The following SPATA7 variants were observed in gnomAD, a reference collection of about 807,000 sequenced individuals.
The protein encoded by SPATA7 is spermatogenesis-associated protein 7.
SPATA7 carries 43 observed loss-of-function variants against 51.8 expected under a neutral mutation model. The observed-to-expected ratio is 0.83, with a 90% CI of 0.65 to 1.07. The LOEUF (loss-of-function observed/expected upper bound fraction) is 1.07. SPATA7 is among the 50% of genes least tolerant of loss of function. The probability of loss-of-function intolerance (pLI) is 0.00; values close to 1 mark genes in which losing one functional copy is unlikely to be tolerated. For synonymous variants in SPATA7, 230 were observed against 252.8 expected (o/e 0.91, Z 0.86); for missense variants, 683 against 701.3 (o/e 0.97, Z 0.30).
chr14:88,401,836 CAAAAAAAAAAAA>C (rs57942112), intron 4 of SPATA7, among the ~76,000 whole-genome samples: 1 of 33,222 alleles, frequency 3.0e-5, no homozygotes, highest in Non-Finnish European at 5.8e-5. Flanking sequence ...GACCCTGTCT[CAAAAAAAAAAAA>C]AAAAAAAAAA....
At chr14:88,427,128 A>G (rs1353926435) in intron 6 of SPATA7, among the ~76,000 whole-genome samples, 12 of 152,224 alleles carry the variant, frequency 7.9e-5, no homozygotes, top group Non-Finnish European at 1.6e-4. Flanking sequence ...CATTTCCTGC[A>G]GATATTCCGG....
chr14:88,465,143 A>G (rs760436701), intron 4 of SPATA7, among the ~76,000 whole-genome samples: 2 of 152,196 alleles, frequency 1.3e-5, no homozygotes, highest in Non-Finnish European at 2.9e-5. Context: ...ATTAATGACT[A>G]CAATAAGCAT....
At chr14:88,424,635 C>T (rs73327426) in intron 5 of SPATA7, among the ~76,000 whole-genome samples, 5,352 of 152,072 alleles carry the variant, frequency 0.035, 300 homozygotes, top group African/African-American at 0.12. Flanking sequence ...TATTTTTAGA[C>T]TGTACTTAGA....
In SPATA7 at chr14:88,388,511, C is replaced by T. The variant is rs938173145; in HGVS notation, c.19+2674C>T. 1.1e-4 allele frequency among the ~76,000 whole-genome samples: 16 copies of T among 152,120 alleles called. 1 individual carries two copies. Among genetic ancestry groups the T allele is most frequent in the African/African-American group, 2.4e-4 (10 of 41,378 alleles). On this transcript the variant is annotated intron_variant, in intron 1 of 11. Coordinates refer to ENST00000393545, the MANE Select transcript of SPATA7 (RefSeq NM_018418.5). ...ATGCCCCTTTGGCTCATTCTGGGTC[C>T]AGTCCAGTCAGGAGATAGAAACCAT...
At chr14:88,453,098 T>C (rs1243779642) in intron 3 of SPATA7, among the ~76,000 whole-genome samples, 2 of 152,230 alleles carry the variant, frequency 1.3e-5, no homozygotes, top group African/African-American at 4.8e-5. Context: ...ATGAGTTTTA[T>C]AATACTGTTT....
chr14:88,396,716 A>G (rs2075890012), intron 4 of SPATA7, among the ~76,000 whole-genome samples: 2 of 152,280 alleles, frequency 1.3e-5, no homozygotes, highest in South Asian at 4.1e-4. Context: ...GCTGTTGTGA[A>G]TAAACTATAC....
chr14:88,386,919 A>T (rs996448141), intron 1 of SPATA7, among the ~76,000 whole-genome samples: 2 of 152,184 alleles, frequency 1.3e-5, no homozygotes, highest in African/African-American at 4.8e-5. Flanking sequence ...CACTTCACCA[A>T]CCTAGGTTTC....
At chr14:88,388,172 A>G (rs1156886386) in intron 1 of SPATA7, among the ~76,000 whole-genome samples, 1 of 152,190 alleles carries the variant, frequency 6.6e-6, no homozygotes, top group Non-Finnish European at 1.5e-5. Flanking sequence ...ACTGCCCTCC[A>G]GCCTGGGCAA....
chr14:88,426,003 C>T lies in SPATA7; in HGVS notation c.373-229C>T, dbSNP rs570665307. ...ATAGATATGTTATTCATCTTTTTTT[C>T]GTTTCAGAAAGGAAATTGATTGCTC... On this transcript the variant is annotated intron_variant, in intron 5 of 11. Coordinates refer to ENST00000393545, the MANE Select transcript of SPATA7 (RefSeq NM_018418.5). Among the ~76,000 whole-genome samples, 493 of 152,008 alleles carry T rather than the reference C, an allele frequency of 3.2e-3. 3 individuals are homozygous for T. The highest frequency in any genetic ancestry group is 0.027 in the South Asian group (130 of 4,804).
chr14:88,459,602 G>A (rs1334336227), downstream of SPATA7, among the ~76,000 whole-genome samples: 1 of 152,032 alleles, frequency 6.6e-6, no homozygotes, highest in Admixed American at 6.5e-5. Flanking sequence ...TTGAGCCTAT[G>A]TGAGTCTCTG....
chr14:88,393,035 T>G (rs1042050137), intron 2 of SPATA7, among the ~76,000 whole-genome samples: 2 of 152,076 alleles, frequency 1.3e-5, no homozygotes, highest in Non-Finnish European at 2.9e-5. Flanking sequence ...TTCCGTTGAT[T>G]AAGTATTAAC....
At chr14:88,447,527 A>T (rs533951666) in intron 3 of SPATA7, among the ~76,000 whole-genome samples, 1 of 152,024 alleles carries the variant, frequency 6.6e-6, no homozygotes, top group Non-Finnish European at 1.5e-5. Flanking sequence ...TCCTGTCATT[A>T]TGATGTTAGC....
chr14:88,452,064 A>T (rs2077254995), intron 3 of SPATA7, among the ~76,000 whole-genome samples: 1 of 152,182 alleles, frequency 6.6e-6, no homozygotes. Context: ...GTGAGGGAAG[A>T]TCTGGGACTC....
At chr14:88,411,865 C>G (rs1425266439) in intron 4 of SPATA7, among the ~76,000 whole-genome samples, 1 of 152,046 alleles carries the variant, frequency 6.6e-6, no homozygotes, top group Admixed American at 6.6e-5. Context: ...GGGGTTTATA[C>G]ATGGTAATGG....
At chr14:88,445,969 C>T (rs944643497) in intron 3 of SPATA7, among the ~76,000 whole-genome samples, 21 of 152,156 alleles carry the variant, frequency 1.4e-4, no homozygotes, top group African/African-American at 1.9e-4. Flanking sequence ...TATCTCTGTC[C>T]GGCTTTGGTA....
rs371581057 is a variant in SPATA7, at chr14:88,437,694, CT to C, written c.1215+106del. Reference sequence around the variant, plus strand: ...TCAAACAATACATTAAAAGCAAGTGCTTTTTTTTTCCCTTGAACTTTTTTGA... The same window carrying C: ...TCAAACAATACATTAAAAGCAAGTGCTTTTTTTTCCCTTGAACTTTTTTGA... On this transcript the variant is annotated intron_variant, in intron 11 of 11. Coordinates refer to ENST00000393545, the MANE Select transcript of SPATA7 (RefSeq NM_018418.5). 1.8e-3 allele frequency: 2,339 copies of C among 1,309,754 alleles called. 15 individuals carry two copies. In the African/African-American group the frequency reaches 0.028, roughly 15 times the overall value. The allele number at this position is 1,309,754 out of a possible 1,614,324, so 81.1% of individuals were successfully genotyped here.
intron 4 of SPATA7, among the ~76,000 whole-genome samples, chr14:88,398,485 G>T (rs1455377541): frequency 3.4e-5 from 4 of 117,046 alleles, no homozygotes; most frequent in Non-Finnish European, 5.2e-5. Flanking sequence ...GTTGTGGGGT[G>T]GGGGGAGGGG....
In SPATA7 at chr14:88,385,699, G is replaced by T; in HGVS notation, c.-120G>T. ...GCAACGGCCTGGCAACGGTTTCCCTGCTGCTGCAGCCCCCGTCGGCTCCTC... is the reference window on the plus strand; with the variant it reads ...GCAACGGCCTGGCAACGGTTTCCCTTCTGCTGCAGCCCCCGTCGGCTCCTC... On this transcript the variant is annotated 5_prime_UTR_variant, in exon 1 of 12. Coordinates refer to ENST00000393545, the MANE Select transcript of SPATA7 (RefSeq NM_018418.5). 1 of 990,504 alleles carries T rather than the reference G, an allele frequency of 1.0e-6. No individual in the cohort carries two copies. Among genetic ancestry groups the T allele is most frequent in the Non-Finnish European group, 1.6e-6 (1 of 638,912 alleles). The allele number at this position is 990,504 out of a possible 1,614,324, so 61.4% of individuals were successfully genotyped here. A position where few individuals can be genotyped will look rare whatever the true frequency, so the allele number is the denominator to read the frequency against.
At chr14:88,446,591 G>C (rs2077214542) in intron 3 of SPATA7, among the ~76,000 whole-genome samples, 2 of 151,974 alleles carry the variant, frequency 1.3e-5, no homozygotes, top group South Asian at 4.2e-4. Context: ...GTCAGTTTTG[G>C]ATCTTTCCTG....
Sources: gnomAD v4.1 joint callset for allele counts (sites outside exome capture counted in the v4.1 genomes callset) on GRCh38, gnomAD v4.1.1 for gene constraint, MANE v1.5 for transcripts, NCBI Gene and HGNC (gene_info 2026-07-23, HGNC 2026-07-21) for gene names.